TNNT1: variants seen among roughly 807,000 people sequenced by gnomAD.
TNNT1 encodes troponin T, slow skeletal muscle.
Under a neutral mutation model 50.6 loss-of-function variants are expected in TNNT1, and 53 were observed. The observed-to-expected ratio is 1.05, with a 90% CI of 0.84 to 1.32. The LOEUF (loss-of-function observed/expected upper bound fraction) is 1.32. Ranked by LOEUF, TNNT1 falls within the 40% of genes most tolerant of loss-of-function variation. TNNT1 has a pLI of 0.00. For missense variants in TNNT1, 348 were observed against 381.7 expected, an observed-to-expected ratio of 0.91 and a Z score of 0.74; for synonymous variants, 142 against 138.0, an observed-to-expected ratio of 1.03 and a Z score of -0.20.
intron 5 of TNNT1, 45 bp downstream of exon 5, chr19:55,146,378 GGGGGTCCCCCC>G (rs2147266903): frequency 2.3e-6 from 3 of 1,305,618 alleles, no homozygotes; most frequent in African/African-American, 3.1e-5. Flanking sequence ...CGAGGATATC[GGGGGTCCCCCC>G]GGGCCCCCGA....
chr19:55,132,778 C>T lies in TNNT1; in HGVS notation c.*137G>A, dbSNP rs2085270997. On this transcript the variant is annotated 3_prime_UTR_variant, in exon 14 of 14. Coordinates refer to ENST00000588981, the MANE Select transcript of TNNT1 (RefSeq NM_003283.6). ...TTGTTGGTAATAAGAAGTCAATTAA[C>T]CAGGAGAGACCAGCTGCATCTCAAC... 2 of 809,644 alleles carry T rather than the reference C, an allele frequency of 2.5e-6. No individual in the cohort carries two copies. Among genetic ancestry groups the T allele is most frequent in the Admixed American group, 2.1e-5 (1 of 47,010 alleles). The allele number at this position is 809,644 out of a possible 1,614,324, so 50.2% of individuals were successfully genotyped here.
At chr19:55,146,127 G>T (rs1051031189) in intron 5 of TNNT1, among the ~76,000 whole-genome samples, 4 of 152,128 alleles carry the variant, frequency 2.6e-5, no homozygotes. Flanking sequence ...GAAGATAAGG[G>T]GGGATGGGGT....
intron 5 of TNNT1, 118 bp downstream of exon 5, chr19:55,146,316 G>A (rs1287177841): frequency 4.7e-6 from 3 of 643,278 alleles, no homozygotes; most frequent in Non-Finnish European, 7.1e-6. Context: ...CCGGGCCTGG[G>A]GGCGGGTTAT....
At chr19:55,147,798 C>A (rs569441698) in intron 1 of TNNT1, among the ~76,000 whole-genome samples, 7,734 of 102,838 alleles carry the variant, frequency 0.075, 326 homozygotes, top group Middle Eastern at 0.12. Flanking sequence ...GGGGGCCTGG[C>A]CTCCTGGGTC....
intron 7 of TNNT1, among the ~76,000 whole-genome samples, chr19:55,141,529 G>C (rs948126320): frequency 2.0e-5 from 3 of 150,592 alleles, no homozygotes; most frequent in Admixed American, 2.0e-4. Context: ...TTCCTCCCAG[G>C]CTGGAGTGAA....
intron 6 of TNNT1, 134 bp downstream of exon 6, chr19:55,145,397 GGGAGGGAGGAGGA>G: frequency 1.4e-6 from 1 of 722,620 alleles, no homozygotes; most frequent in Non-Finnish European, 2.5e-6. Flanking sequence ...GAGGGAAAGG[GGGAGGGAGGAGGA>G]GGAGGAGGAG....
In TNNT1 at chr19:55,149,131, A is replaced by G. The variant is rs28362592; in HGVS notation, c.-12+30T>C. ...CCCTCCCCCAAGGACATGGTTTTTG[A>G]AGACCACAGGGCTCCGCAGAGCCCC... On this transcript the variant is annotated intron_variant, in intron 1 of 13. Coordinates refer to ENST00000588981, the MANE Select transcript of TNNT1 (RefSeq NM_003283.6). 94,414 of 455,724 alleles carry G rather than the reference A, an allele frequency of 0.21. 10,268 individuals carry two copies. Among genetic ancestry groups the G allele is most frequent in the African/African-American group, 0.28 (13,951 of 50,028 alleles). 28.2% of individuals were successfully genotyped at this position (455,724 alleles called of 1,614,324 possible).
In TNNT1 at chr19:55,140,979, T is replaced by C. The variant is rs776540644; in HGVS notation, c.310-19A>G. ...GCCGCTCCTGGGAAACGGAGAAGCA[T>C]AAGGGGGTGCAGGGACGTACCCCCA... On this transcript the variant is annotated intron_variant, in intron 8 of 13. Transcript: ENST00000588981. The C allele has an allele frequency of 1.2e-6, 2 of 1,613,328 alleles. No homozygotes were observed. The highest frequency in any genetic ancestry group is 1.3e-5 in the African/African-American group (1 of 74,776).
At chr19:55,145,647 AC>A in intron 5 of TNNT1, 82 bp from the exon 6 acceptor site, 6 of 1,532,552 alleles carry the variant, frequency 3.9e-6, no homozygotes, top group East Asian at 2.3e-5. Context: ...CTGGGGAGGG[AC>A]CCCCCAAGCC....
chr19:55,133,571 AG>A, intron 13 of TNNT1: 1 of 454,888 alleles, frequency 2.2e-6, no homozygotes, highest in Non-Finnish European at 4.0e-6. Flanking sequence ...CCAGCTACTC[AG>A]GGGGCTGAGG....
At chr19:55,143,548 A>G (rs572429007) in intron 6 of TNNT1, among the ~76,000 whole-genome samples, 30 of 152,244 alleles carry the variant, frequency 2.0e-4, no homozygotes, top group Non-Finnish European at 4.4e-5. Context: ...CCAAGTGTAC[A>G]GCAGGGCCGT....
At chr19:55,147,345 C>G (rs1264037182) in intron 1 of TNNT1, 177 bp from the exon 2 acceptor site, 1 of 597,812 alleles carries the variant, frequency 1.7e-6, no homozygotes, top group African/African-American at 2.7e-5. Context: ...GGAGCTGGGG[C>G]CTGGACTCCT....
chr19:55,148,651 C>T (rs2085624359), intron 1 of TNNT1, among the ~76,000 whole-genome samples: 1 of 152,036 alleles, frequency 6.6e-6, no homozygotes, highest in Admixed American at 6.6e-5. Flanking sequence ...CCCCCAAAAT[C>T]TTGATACCCA....
intron 3 of TNNT1, 148 bp downstream of exon 3, chr19:55,146,860 G>A (rs1473183286): frequency 4.8e-6 from 6 of 1,242,414 alleles, no homozygotes; most frequent in East Asian, 2.6e-5. Context: ...GGGATGGCGC[G>A]AGGAGACGCT....
At chr19:55,141,165 G>C in intron 8 of TNNT1, 21 bp downstream of exon 8, 1 of 1,597,628 alleles carries the variant, frequency 6.3e-7, no homozygotes, top group Non-Finnish European at 8.6e-7. Flanking sequence ...AGACCGGGGG[G>C]AACCCGGACT....
intron 11 of TNNT1, among the ~76,000 whole-genome samples, chr19:55,134,723 GGGAGA>G (rs1330256847): frequency 3.2e-5 from 1 of 31,510 alleles, no homozygotes; most frequent in Non-Finnish European, 6.4e-5. Context: ...AAGAGGGGAG[GGGAGA>G]GGAGAAGAGG....
At chr19:55,145,627 C>T in intron 5 of TNNT1, 62 bp from the exon 6 acceptor site, 1 of 1,588,660 alleles carries the variant, frequency 6.3e-7, no homozygotes, top group Non-Finnish European at 8.6e-7. Flanking sequence ...GGGGCTAGGC[C>T]TGACACACCC....
intron 9 of TNNT1, among the ~76,000 whole-genome samples, chr19:55,139,072 T>A (rs1165481116): frequency 6.6e-6 from 1 of 152,038 alleles, no homozygotes; most frequent in Non-Finnish European, 1.5e-5. Flanking sequence ...TCTGCTCTGT[T>A]CACTGCAACC....
intron 1 of TNNT1, among the ~76,000 whole-genome samples, chr19:55,147,676 CTG>C (rs2085599038): frequency 2.2e-5 from 1 of 45,044 alleles, no homozygotes; most frequent in African/African-American, 1.2e-4. Context: ...GGAGGAGGGG[CTG>C]GGGTCTGGAC....
Sources: gnomAD v4.1 joint callset for allele counts (sites outside exome capture counted in the v4.1 genomes callset) on GRCh38, gnomAD v4.1.1 for gene constraint, MANE v1.5 for transcripts, NCBI Gene and HGNC (gene_info 2026-07-23, HGNC 2026-07-21) for gene names.